The following CLASP1 variants were observed in gnomAD, a reference collection of about 807,000 sequenced individuals.
CLASP1 encodes cytoplasmic linker associated protein 1.
In CLASP1, 38 loss-of-function variants were observed where a neutral mutation model predicts 192.3. The ratio of observed to expected loss-of-function variants is 0.20; its 90% CI spans 0.15 to 0.26. The LOEUF is 0.26. CLASP1 is among the 10% of genes least tolerant of loss of function. The probability of loss-of-function intolerance (pLI) is 1.00; values close to 1 mark genes in which losing one functional copy is unlikely to be tolerated. For synonymous variants in CLASP1, 691 were observed against 712.8 expected (o/e 0.97, Z 0.49); for missense variants, 1,433 against 1,932.5 (o/e 0.74, Z 4.85).
intron 2 of CLASP1, among the ~76,000 whole-genome samples, chr2:121,585,076 T>C (rs1449771953): frequency 2.0e-5 from 3 of 152,246 alleles, no homozygotes; most frequent in Non-Finnish European, 2.9e-5. Context: ...TGTCCCCATT[T>C]TGCAGAAGAA....
chr2:121,444,823 T>C (rs1008823343), intron 19 of CLASP1: 3 of 564,596 alleles, frequency 5.3e-6, no homozygotes, highest in South Asian at 1.6e-5. Flanking sequence ...AGAAACAGCG[T>C]GCAACATCTC....
intron 2 of CLASP1, among the ~76,000 whole-genome samples, chr2:121,564,462 C>T (rs139390616): frequency 1.1e-3 from 172 of 152,266 alleles, no homozygotes; most frequent in African/African-American, 4.0e-3. Flanking sequence ...CAGAAAGGGC[C>T]TTGGTCATCA....
At chr2:121,625,541 T>C (rs112483269) in intron 1 of CLASP1, among the ~76,000 whole-genome samples, 5,785 of 151,150 alleles carry the variant, frequency 0.038, 156 homozygotes, top group East Asian at 0.14. Flanking sequence ...TTCAAGCGAT[T>C]CTCCTGCCTC....
intron 5 of CLASP1, 116 bp downstream of exon 5, chr2:121,527,683 G>T: frequency 1.4e-6 from 1 of 732,442 alleles, no homozygotes; most frequent in Non-Finnish European, 2.3e-6. Context: ...GGTAAAGGGG[G>T]CATGAGATCT....
At chr2:121,572,432 A>T (rs937907101) in intron 2 of CLASP1, among the ~76,000 whole-genome samples, 4 of 152,188 alleles carry the variant, frequency 2.6e-5, no homozygotes, top group African/African-American at 7.2e-5. Context: ...CTTCTCAAAA[A>T]ATAAAAAAGA....
In CLASP1 at chr2:121,637,656, C is replaced by G. The variant is rs576240982; in HGVS notation, c.-286+11716G>C. On this transcript the variant is annotated intron_variant, in intron 1 of 39. Coordinates refer to ENST00000263710, the Ensembl canonical transcript of CLASP1. ...TAGGCAGCACTTTGGGAAGCCAAGG[C>G]AGGTGGATCACCCAAGGTGAAGAGT... is the stretch of plus-strand genomic sequence containing the variant. 2.0e-5 allele frequency among the ~76,000 whole-genome samples: 3 copies of G among 152,194 alleles called. No homozygotes were observed. In the South Asian group the frequency reaches 6.2e-4, roughly 32 times the overall value.
chr2:121,352,109 G>T (rs1038173362), intron 37 of CLASP1, among the ~76,000 whole-genome samples: 1 of 152,206 alleles, frequency 6.6e-6, no homozygotes, highest in Non-Finnish European at 1.5e-5. Flanking sequence ...AGATGGCAGG[G>T]ACCTGCTACC....
At chr2:121,438,232 T>C (rs926731587) in intron 19 of CLASP1, among the ~76,000 whole-genome samples, 4 of 152,218 alleles carry the variant, frequency 2.6e-5, no homozygotes, top group Admixed American at 6.5e-5. Flanking sequence ...ACAAACTACT[T>C]TAATTCATTA....
At chr2:121,387,390 A>G (rs1263530492) in intron 31 of CLASP1, among the ~76,000 whole-genome samples, 162 bp from the exon 33 acceptor site, 1 of 152,088 alleles carries the variant, frequency 6.6e-6, no homozygotes, top group African/African-American at 2.4e-5. Context: ...AAGTGTATAT[A>G]AACCAAAAAT....
exon 40 of CLASP1, chr2:121,338,842 T>C (rs918317849): frequency 1.3e-5 from 2 of 152,364 alleles, no homozygotes; most frequent in Non-Finnish European, 2.9e-5. Flanking sequence ...TCTTTCTAAC[T>C]GCATTAGGAA....
At position 121,355,209 on chromosome 2, in the gene CLASP1, C is replaced by T. The variant is rs920690634; in HGVS notation, c.4207-6491G>A. Among the ~76,000 whole-genome samples, 57 of 152,214 alleles carry T rather than the reference C, an allele frequency of 3.7e-4. 1 individual carries two copies. Among genetic ancestry groups the T allele is most frequent in the East Asian group, 1.5e-3 (8 of 5,172 alleles). Reference sequence around the variant, plus strand: ...TGTTGCCCAGGCTGGAGTGCAGTGGCGCCATCTTGGTGGGTTCAAGCGATT... The same window carrying T: ...TGTTGCCCAGGCTGGAGTGCAGTGGTGCCATCTTGGTGGGTTCAAGCGATT... On this transcript the variant is annotated intron_variant, in intron 37 of 39. Transcript: ENST00000263710.
Position 121,427,663 on chromosome 2 carries a change from T to A in CLASP1, c.2018-233A>T, listed in dbSNP as rs114527426. On this transcript the variant is annotated intron_variant, in intron 20 of 39. Transcript: ENST00000263710. Reference sequence around the variant, plus strand: ...TCATAAAACACTTTCAAACCTACAATGTGCCAGGCTCACATCTGCTTTCTA... The same window carrying A: ...TCATAAAACACTTTCAAACCTACAAAGTGCCAGGCTCACATCTGCTTTCTA... Among the ~76,000 whole-genome samples the A allele has an allele frequency of 4.9e-3, 749 of 152,350 alleles. 9 individuals carry two copies. The highest frequency in any genetic ancestry group is 0.017 in the African/African-American group (727 of 41,584).
chr2:121,384,134 GTATATATATATACACACACACACA>G (rs1215142638), intron 32 of CLASP1, among the ~76,000 whole-genome samples: 13 of 96,490 alleles, frequency 1.3e-4, no homozygotes, highest in Admixed American at 5.4e-4. Flanking sequence ...ACATATATAT[GTATATATATATACACACACACACA>G]TATATATATA....
rs75395499 is a variant in CLASP1, at chr2:121,463,617, G to A, written c.866-1012C>T. On this transcript the variant is annotated intron_variant, in intron 9 of 39. Transcript: ENST00000263710. ...ACACCATGTACCCACATATACTGAA[G>A]AGGACTCAAAGGCCAACAACAGTCC... Among the ~76,000 whole-genome samples the A allele has an allele frequency of 8.5e-5, 13 of 152,244 alleles. No individual in the cohort carries two copies. The East Asian group carries it at 1.3e-3, about 16-fold the overall frequency.
chr2:121,352,865 G>A, intron 37 of CLASP1, among the ~76,000 whole-genome samples: 1 of 151,984 alleles, frequency 6.6e-6, no homozygotes, highest in South Asian at 2.1e-4. Context: ...CGTTGACCAG[G>A]CTGGTCTCAA....
chr2:121,593,214 A>C (rs2105773298), intron 2 of CLASP1, among the ~76,000 whole-genome samples: 1 of 152,250 alleles, frequency 6.6e-6, no homozygotes, highest in East Asian at 1.9e-4. Context: ...AACCAGGAAG[A>C]AGCATCAAAC....
At chr2:121,619,620 G>T (rs2067000273) in intron 1 of CLASP1, among the ~76,000 whole-genome samples, 1 of 152,200 alleles carries the variant, frequency 6.6e-6, no homozygotes, top group South Asian at 2.1e-4. Context: ...ACAGGTGTCA[G>T]ATAAGGTACT....
rs565708384 is a variant in CLASP1, at chr2:121,595,766, C to T, written c.195+9935G>A. On this transcript the variant is annotated intron_variant, in intron 2 of 39. Transcript: ENST00000263710. ...CTGTTCCAGAGCACAGGCTAACTGACTAGGCCACAAGAAAACATGTAACCT... is the reference window on the plus strand; with the variant it reads ...CTGTTCCAGAGCACAGGCTAACTGATTAGGCCACAAGAAAACATGTAACCT... 1.3e-4 allele frequency among the ~76,000 whole-genome samples: 20 copies of T among 152,332 alleles called. No individual in the cohort carries two copies. The South Asian group carries it at 3.9e-3, about 30-fold the overall frequency.
chr2:121,611,698 T>C (rs1178290507), intron 1 of CLASP1, among the ~76,000 whole-genome samples: 2 of 95,628 alleles, frequency 2.1e-5, no homozygotes, highest in African/African-American at 7.7e-5. Context: ...GTTGGAGGAG[T>C]TACAGGAGGA....
Sources: gnomAD v4.1 joint callset for allele counts (sites outside exome capture counted in the v4.1 genomes callset) on GRCh38, gnomAD v4.1.1 for gene constraint, MANE v1.5 for transcripts, NCBI Gene and HGNC (gene_info 2026-07-23, HGNC 2026-07-21) for gene names.